The following DNAH3 variants were observed in gnomAD, a reference collection of about 807,000 sequenced individuals.
DNAH3 encodes dynein axonemal heavy chain 3, also known as axonemal beta dynein heavy chain 3.
In DNAH3, 332 loss-of-function variants were observed where a neutral mutation model predicts 432.5. The observed-to-expected ratio is 0.77, with a 90% confidence interval of 0.70 to 0.84. DNAH3 has a LOEUF of 0.84. DNAH3 is among the 40% of genes least tolerant of loss of function. The pLI is 0.00. For missense variants in DNAH3, 4,861 were observed against 5,114.0 expected (o/e 0.95, Z 1.51); for synonymous variants, 1,956 against 1,900.2 (o/e 1.03, Z -0.76).
intron 1 of DNAH3, among the ~76,000 whole-genome samples, chr16:21,148,546 C>G (rs7196889): frequency 0.46 from 69,109 of 151,576 alleles, 16,053 homozygotes; most frequent in East Asian, 0.68. Flanking sequence ...TAGGTTCGAG[C>G]GATTCTCCTG....
chr16:21,049,889 G>A (rs1424361363), intron 30 of DNAH3, 21 bp downstream of exon 30: 9 of 1,584,898 alleles, frequency 5.7e-6, no homozygotes, highest in Non-Finnish European at 7.8e-6. Context: ...GAGAGGGAGG[G>A]GATAGATGGC....
chr16:21,023,786 G>GGGGTGTGT (rs1555530933), intron 39 of DNAH3, among the ~76,000 whole-genome samples: 10 of 146,384 alleles, frequency 6.8e-5, no homozygotes, highest in East Asian at 4.0e-4. Flanking sequence ...CAGCTTTTGG[G>GGGGTGTGT]GTGTGTGTGT....
exon 48 of DNAH3, chr16:20,985,128 T>C: frequency 6.2e-7 from 1 of 1,614,234 alleles, no homozygotes; most frequent in Non-Finnish European, 8.5e-7. Flanking sequence ...CAACCTTCTC[T>C]CCTTGGGTCC....
intron 41 of DNAH3, among the ~76,000 whole-genome samples, chr16:21,009,115 T>C (rs2087460078): frequency 1.3e-5 from 2 of 152,152 alleles, no homozygotes; most frequent in Non-Finnish European, 2.9e-5. Context: ...ACAATGAAAA[T>C]AATCTGTATA....
intron 58 of DNAH3, 53 bp downstream of exon 58, chr16:20,944,439 CTGGA>C (rs2083952350): frequency 6.3e-7 from 1 of 1,598,142 alleles, no homozygotes; most frequent in African/African-American, 1.3e-5. Context: ...TGTGTGCCCA[CTGGA>C]TGAAGAACTG....
At chr16:20,966,902 C>A (rs1156908558) in intron 52 of DNAH3, among the ~76,000 whole-genome samples, 2 of 152,154 alleles carry the variant, frequency 1.3e-5, no homozygotes, top group Non-Finnish European at 2.9e-5. Flanking sequence ...GACACAAAGC[C>A]AGGCCGTTAT....
At chr16:20,945,273 T>C (rs963451099) in intron 57 of DNAH3, among the ~76,000 whole-genome samples, 1 of 152,218 alleles carries the variant, frequency 6.6e-6, no homozygotes, top group African/African-American at 2.4e-5. Context: ...ACCAGCGCCA[T>C]GACTGTTTAC....
chr16:21,049,114 C>T (rs1294940322), intron 31 of DNAH3, among the ~76,000 whole-genome samples: 1 of 152,066 alleles, frequency 6.6e-6, no homozygotes, highest in Non-Finnish European at 1.5e-5. Flanking sequence ...CTGCCTCAGC[C>T]TCTTGAATAG....
At chr16:21,151,319 C>T (rs1037478317) in intron 1 of DNAH3, among the ~76,000 whole-genome samples, 6 of 121,746 alleles carry the variant, frequency 4.9e-5, no homozygotes, top group Admixed American at 1.1e-4. Context: ...CAGTTTTTCC[C>T]CGTTTTTTTT....
chr16:21,075,693 G>C, intron 20 of DNAH3, 132 bp from the exon 21 acceptor site: 1 of 709,512 alleles, frequency 1.4e-6, no homozygotes, highest in East Asian at 2.7e-5. Context: ...AGGGAAGATT[G>C]CTTGAGGTCG....
intron 4 of DNAH3, 71 bp from the exon 6 acceptor site, chr16:21,140,781 C>A: frequency 6.9e-7 from 1 of 1,453,820 alleles, no homozygotes. Context: ...TGCCTACTTT[C>A]CCTAGCCTGA....
At chr16:20,991,066 T>A (rs1423299760) in intron 44 of DNAH3, among the ~76,000 whole-genome samples, 1 of 151,956 alleles carries the variant, frequency 6.6e-6, no homozygotes, top group Non-Finnish European at 1.5e-5. Flanking sequence ...CAAAATAGAA[T>A]TTTGCCAGCC....
chr16:20,969,228 G>C lies in DNAH3; in HGVS notation c.8458+564C>G, dbSNP rs577051992. Among the ~76,000 whole-genome samples the C allele has an allele frequency of 2.6e-5, 4 of 151,412 alleles. No individual in the cohort carries two copies. The East Asian group carries it at 7.8e-4, about 30-fold the overall frequency. ...TATGCATGTCTGCAAGTGTGTTCGT[G>C]CATGGCTCTGTGTGTGCATGTATGT... On this transcript the variant is annotated intron_variant, in intron 52 of 61. Transcript: ENST00000261383.
At chr16:20,972,583 G>A (rs1485997945) in intron 51 of DNAH3, among the ~76,000 whole-genome samples, 1 of 151,664 alleles carries the variant, frequency 6.6e-6, no homozygotes, top group East Asian at 1.9e-4. Context: ...ATTCTACCAG[G>A]ACTACAAGTG....
chr16:21,083,291 C>T (rs111950441), intron 19 of DNAH3, among the ~76,000 whole-genome samples: 143 of 152,332 alleles, frequency 9.4e-4, no homozygotes, highest in African/African-American at 3.3e-3. Flanking sequence ...GTTGGGATTA[C>T]AGGCGTGAGC....
intron 29 of DNAH3, among the ~76,000 whole-genome samples, 153 bp from the exon 30 acceptor site, chr16:21,050,171 C>A (rs1161227014): frequency 6.6e-6 from 1 of 152,194 alleles, no homozygotes; most frequent in African/African-American, 2.4e-5. Context: ...GCCGCGATGA[C>A]TTTTGCACCA....
At chr16:21,138,987 T>C (rs72780889) in intron 5 of DNAH3, among the ~76,000 whole-genome samples, 24,780 of 152,152 alleles carry the variant, frequency 0.16, 2,486 homozygotes, top group South Asian at 0.23. Context: ...CAAGTAGCTA[T>C]AGAGGGTTTA....
At chr16:20,969,655 T>C (rs1181562470) in intron 52 of DNAH3, 137 bp downstream of exon 52, 5 of 991,440 alleles carry the variant, frequency 5.0e-6, no homozygotes, top group African/African-American at 3.2e-5. Context: ...ACACACAGCC[T>C]GGTTCCTTTC....
chr16:21,148,964 C>G (rs1193162783), intron 1 of DNAH3, among the ~76,000 whole-genome samples: 1 of 152,150 alleles, frequency 6.6e-6, no homozygotes, highest in East Asian at 1.9e-4. Flanking sequence ...GCCGTGGTAG[C>G]TAATGTCTAT....
Sources: gnomAD v4.1 joint callset for allele counts (sites outside exome capture counted in the v4.1 genomes callset) on GRCh38, gnomAD v4.1.1 for gene constraint, MANE v1.5 for transcripts, NCBI Gene and HGNC (gene_info 2026-07-23, HGNC 2026-07-21) for gene names.